Variants in AKAP19 observed in about 807,000 individuals in gnomAD.
AKAP19 encodes the protein A-kinase anchoring protein 19, also known as small A-kinase anchoring protein.
chr2:190,177,258 G>A, the AKAP19 span, among the ~76,000 whole-genome samples: 1 of 152,164 alleles, frequency 6.6e-6, no homozygotes, highest in Non-Finnish European at 1.5e-5. This position sits in a 1 kb window ranked among gnomAD's most constrained non-coding sequence, Gnocchi z 4.6. Flanking sequence ...GTGGGAGCAG[G>A]TGGGGAGTTA....
At chr2:189,977,274 A>G in the AKAP19 span, among the ~76,000 whole-genome samples, 3 of 152,256 alleles carry the variant, frequency 2.0e-5, no homozygotes, top group Non-Finnish European at 1.5e-5. Flanking sequence ...ACTGTGCTGA[A>G]TATATAATGT....
chr2:189,960,917 C>T, the AKAP19 span, among the ~76,000 whole-genome samples: 3 of 152,218 alleles, frequency 2.0e-5, no homozygotes, highest in Non-Finnish European at 4.4e-5. Context: ...TGACTCCAGA[C>T]TAGAAACAAA....
the AKAP19 span, among the ~76,000 whole-genome samples, chr2:189,909,232 T>C: frequency 6.6e-6 from 1 of 151,872 alleles, no homozygotes; most frequent in Non-Finnish European, 1.5e-5. Context: ...TTTCTTTGCT[T>C]TTAGTCTGTG....
chr2:190,062,821 T>C, the AKAP19 span: 1 of 501,794 alleles, frequency 2.0e-6, no homozygotes, highest in East Asian at 3.4e-5. Flanking sequence ...CCACAATGAA[T>C]CTCGCTGTCA....
At chr2:189,980,158 C>T in the AKAP19 span, among the ~76,000 whole-genome samples, 4 of 152,072 alleles carry the variant, frequency 2.6e-5, no homozygotes, top group African/African-American at 9.7e-5. Flanking sequence ...ATGGAATCAA[C>T]CTAAGTGTCC....
the AKAP19 span, among the ~76,000 whole-genome samples, chr2:189,931,190 GTTTGTGAAATGGTGGT>G: frequency 4.3e-5 from 1 of 23,166 alleles, no homozygotes; most frequent in Admixed American, 1.2e-3. Context: ...AGTTATGGTG[GTTTGTGAAATGGTGGT>G]TTTTTTTCTT....
the AKAP19 span, among the ~76,000 whole-genome samples, chr2:190,051,721 A>G: frequency 6.6e-6 from 1 of 152,200 alleles, no homozygotes; most frequent in Non-Finnish European, 1.5e-5. Flanking sequence ...AGGTCTTGGT[A>G]GATTCTAGAC....
the AKAP19 span, chr2:190,080,024 G>A: frequency 1.3e-5 from 2 of 152,220 alleles, no homozygotes; most frequent in African/African-American, 2.4e-5. Flanking sequence ...TGATTCCAAG[G>A]TAGGTGCTAG....
the AKAP19 span, among the ~76,000 whole-genome samples, chr2:189,982,637 T>C: frequency 1.3e-5 from 2 of 151,398 alleles, no homozygotes; most frequent in South Asian, 4.2e-4. Context: ...TATTTTTGAA[T>C]TTGCTGTTGT....
the AKAP19 span, among the ~76,000 whole-genome samples, chr2:190,175,090 GACAACA>G: frequency 1.9e-4 from 28 of 148,404 alleles, no homozygotes; most frequent in African/African-American, 5.3e-4. Flanking sequence ...AACCATAAAA[GACAACA>G]ACAACAACAA....
the AKAP19 span, among the ~76,000 whole-genome samples, chr2:189,985,851 T>G: frequency 6.6e-6 from 1 of 151,994 alleles, no homozygotes; most frequent in South Asian, 2.1e-4. Flanking sequence ...ATGAATATAA[T>G]ACAAAAAAGG....
At chr2:189,981,250 T>A in the AKAP19 span, among the ~76,000 whole-genome samples, 1 of 149,838 alleles carries the variant, frequency 6.7e-6, no homozygotes, top group Admixed American at 6.8e-5. Context: ...AACCCTTTAA[T>A]GTTACATAAT....
At chr2:190,066,526 T>G in the AKAP19 span, among the ~76,000 whole-genome samples, 7 of 152,190 alleles carry the variant, frequency 4.6e-5, no homozygotes, top group African/African-American at 1.7e-4. Context: ...TTTACAGCTG[T>G]TTGGTATTAC....
the AKAP19 span, among the ~76,000 whole-genome samples, chr2:190,013,813 T>G: frequency 6.6e-6 from 1 of 152,188 alleles, no homozygotes; most frequent in Non-Finnish European, 1.5e-5. Flanking sequence ...CCACCACACC[T>G]GGACTTCTCT....
At chr2:190,060,097 C>A in the AKAP19 span, 3 of 1,612,708 alleles carry the variant, frequency 1.9e-6, no homozygotes, top group Non-Finnish European at 2.5e-6. Flanking sequence ...AAGGTTACAG[C>A]AAGATCATGA....
At chr2:189,956,172 T>C in the AKAP19 span, among the ~76,000 whole-genome samples, 3 of 3,130 alleles carry the variant, frequency 9.6e-4, no homozygotes, top group African/African-American at 2.2e-3. Context: ...TATTTTCTTT[T>C]TTTTCTTTTT....
the AKAP19 span, among the ~76,000 whole-genome samples, chr2:189,979,239 T>C: frequency 2.0e-5 from 3 of 151,990 alleles, no homozygotes; most frequent in Admixed American, 6.6e-5. Flanking sequence ...TAGATGCATG[T>C]ATTAATGAAA....
At chr2:190,032,225 G>A in the AKAP19 span, among the ~76,000 whole-genome samples, 288 of 152,224 alleles carry the variant, frequency 1.9e-3, no homozygotes, top group Middle Eastern at 3.4e-3. Context: ...TTCAGGAATT[G>A]TACTAGAATT....
chr2:190,090,467 A>G, the AKAP19 span, among the ~76,000 whole-genome samples: 2 of 152,242 alleles, frequency 1.3e-5, no homozygotes, highest in Non-Finnish European at 2.9e-5. Flanking sequence ...CGCCAGGCAC[A>G]TTAGTGAGAT....
Sources: allele counts gnomAD v4.1 joint callset (sites outside exome capture counted in the v4.1 genomes callset), GRCh38; gene constraint gnomAD v4.1.1; non-coding constraint Gnocchi (gnomAD v3.1); transcripts MANE v1.5; gene names NCBI Gene and HGNC (gene_info 2026-07-23, HGNC 2026-07-21).